HPSE2: variants seen among roughly 807,000 people sequenced by gnomAD.
The protein encoded by HPSE2 is inactive heparanase-2.
HPSE2 carries 38 observed loss-of-function variants against 60.5 expected under a neutral mutation model. That is an observed-to-expected ratio of 0.63 (90% CI 0.48 to 0.82). The LOEUF (loss-of-function observed/expected upper bound fraction) is 0.82. Ranked by LOEUF, HPSE2 falls within the 40% of genes least tolerant of loss-of-function variation. HPSE2 has a pLI of 0.00. For synonymous variants in HPSE2, 295 were observed against 293.2 expected, an observed-to-expected ratio of 1.01 and a Z score of -0.06; for missense variants, 713 against 740.4, an observed-to-expected ratio of 0.96 and a Z score of 0.43.
chr10:98,850,167 T>C (rs560081127), intron 3 of HPSE2, among the ~76,000 whole-genome samples: 2 of 152,192 alleles, frequency 1.3e-5, no homozygotes, highest in Non-Finnish European at 2.9e-5. Context: ...GCTAGTCTTA[T>C]ACATGCTAAT....
chr10:99,222,117 T>G (rs771857441), intron 2 of HPSE2, among the ~76,000 whole-genome samples: 1 of 152,052 alleles, frequency 6.6e-6, no homozygotes, highest in Non-Finnish European at 1.5e-5. Context: ...CCAGCTAATA[T>G]AAAGGCCTTT....
At chr10:99,002,268 T>C (rs1410835617) in intron 3 of HPSE2, among the ~76,000 whole-genome samples, 4 of 152,108 alleles carry the variant, frequency 2.6e-5, no homozygotes, top group African/African-American at 4.8e-5. Context: ...AGAATACAAA[T>C]AATTGATGTA....
chr10:99,050,454 C>T (rs762301352), intron 3 of HPSE2, among the ~76,000 whole-genome samples: 9 of 152,084 alleles, frequency 5.9e-5, no homozygotes, highest in Non-Finnish European at 1.5e-5. Context: ...GAAGATAGAA[C>T]TACCATATGA....
intron 2 of HPSE2, among the ~76,000 whole-genome samples, chr10:99,166,687 C>T (rs1847092188): frequency 6.6e-6 from 1 of 151,686 alleles, no homozygotes; most frequent in African/African-American, 2.4e-5. Flanking sequence ...ATCTCTTGCC[C>T]ACTTTTTATT....
intron 5 of HPSE2, among the ~76,000 whole-genome samples, chr10:98,715,825 A>T (rs1056677396): frequency 2.0e-5 from 3 of 152,012 alleles, no homozygotes; most frequent in Non-Finnish European, 2.9e-5. Context: ...GTGCTGACTG[A>T]TCAAGGTGGT....
chr10:98,946,596 A>G (rs1955191813), intron 3 of HPSE2, among the ~76,000 whole-genome samples: 1 of 152,160 alleles, frequency 6.6e-6, no homozygotes, highest in African/African-American at 2.4e-5. Context: ...TCTTCACAGC[A>G]GTTCTGGGAA....
At chr10:99,177,684 CA>C (rs1268696946) in intron 2 of HPSE2, among the ~76,000 whole-genome samples, 38 of 152,086 alleles carry the variant, frequency 2.5e-4, no homozygotes, top group Non-Finnish European at 1.3e-4. Flanking sequence ...GAGACTTTAA[CA>C]CCCCACTGTC....
At chr10:98,605,568 G>T (rs943942089) in intron 9 of HPSE2, among the ~76,000 whole-genome samples, 1 of 151,746 alleles carries the variant, frequency 6.6e-6, no homozygotes, top group Non-Finnish European at 1.5e-5. Flanking sequence ...GTGTAAATGG[G>T]GATGGTTGGG....
At chr10:99,053,764 C>T (rs1958045674) in intron 3 of HPSE2, among the ~76,000 whole-genome samples, 1 of 109,236 alleles carries the variant, frequency 9.2e-6, no homozygotes, top group Admixed American at 1.4e-4. Flanking sequence ...GAGTCATGCT[C>T]TGTCATCAGG....
At chr10:99,260,855 T>G in the HPSE2 span, among the ~76,000 whole-genome samples, 2 of 152,092 alleles carry the variant, frequency 1.3e-5, no homozygotes, top group African/African-American at 4.8e-5. Flanking sequence ...GCGACCTCCA[T>G]TCCTCCTTCT....
At chr10:98,759,947 T>C (rs916731604) in intron 3 of HPSE2, among the ~76,000 whole-genome samples, 5 of 152,080 alleles carry the variant, frequency 3.3e-5, no homozygotes, top group African/African-American at 1.2e-4. Flanking sequence ...TTTATTTGTA[T>C]CTTATTTATT....
At chr10:98,585,172 T>C (rs1415730034) in intron 9 of HPSE2, among the ~76,000 whole-genome samples, 1 of 152,154 alleles carries the variant, frequency 6.6e-6, no homozygotes, top group African/African-American at 2.4e-5. Flanking sequence ...TAGTTTGCTC[T>C]GAGTCTTGGG....
intron 3 of HPSE2, among the ~76,000 whole-genome samples, chr10:98,747,496 G>T (rs1467151299): frequency 6.6e-6 from 1 of 152,144 alleles, no homozygotes; most frequent in Non-Finnish European, 1.5e-5. Context: ...TTAAGGCAAG[G>T]CAAAATGTAT....
In HPSE2 at chr10:98,698,028, C is replaced by A. The variant is rs537918748; in HGVS notation, c.957-4081G>T. Among the ~76,000 whole-genome samples the A allele has an allele frequency of 9.6e-3, 1,415 of 147,690 alleles. 28 individuals carry two copies. Among genetic ancestry groups the A allele is most frequent in the African/African-American group, 0.034 (1,341 of 39,902 alleles). Reference sequence around the variant, plus strand: ...ACCTACAAAGAGACTTAGACTCCCACACAATAATAATGGGAGACTTTAACA... The same window carrying A: ...ACCTACAAAGAGACTTAGACTCCCAAACAATAATAATGGGAGACTTTAACA... On this transcript the variant is annotated intron_variant, in intron 5 of 11. Coordinates refer to ENST00000370552, the MANE Select transcript of HPSE2 (RefSeq NM_021828.5).
At chr10:98,494,805 A>G (rs1404205218) in intron 9 of HPSE2, among the ~76,000 whole-genome samples, 1 of 152,218 alleles carries the variant, frequency 6.6e-6, no homozygotes, top group African/African-American at 2.4e-5. Flanking sequence ...GTTACAAACC[A>G]AAGTAACAAT....
rs72389662 is a variant in HPSE2, at chr10:99,112,415, GTGTTTTGTTTTGTTT to G, written c.610+31808_610+31822del. Among the ~76,000 whole-genome samples the G allele has an allele frequency of 8.7e-3, 1,186 of 136,004 alleles. 4 individuals carry two copies. Among genetic ancestry groups the G allele is most frequent in the South Asian group, 0.027 (118 of 4,378 alleles). The allele number at this position is 136,004 out of a possible 152,430, so 89.2% of individuals were successfully genotyped here. On this transcript the variant is annotated intron_variant, in intron 3 of 11. Coordinates refer to ENST00000370552, the MANE Select transcript of HPSE2 (RefSeq NM_021828.5). ...CCACCATGCCCGGCTTTTTTTTGTT[GTGTTTTGTTTTGTTT>G]TGTTTTGTTTTGTTTTGTTTTGTTT... is the stretch of plus-strand genomic sequence containing the variant.
At chr10:99,085,865 A>G (rs905928314) in intron 3 of HPSE2, among the ~76,000 whole-genome samples, 3 of 152,188 alleles carry the variant, frequency 2.0e-5, no homozygotes, top group African/African-American at 7.2e-5. Context: ...TAAACACATC[A>G]GATGCCTCAC....
intron 3 of HPSE2, among the ~76,000 whole-genome samples, chr10:98,794,176 C>T (rs967356989): frequency 3.3e-5 from 5 of 151,880 alleles, no homozygotes; most frequent in Admixed American, 6.6e-5. Flanking sequence ...TCTTAAACTT[C>T]ACTAATGGCC....
At chr10:99,287,759 A>T in the HPSE2 span, among the ~76,000 whole-genome samples, 1 of 152,198 alleles carries the variant, frequency 6.6e-6, no homozygotes, top group Non-Finnish European at 1.5e-5. Context: ...CAATGTAGAG[A>T]TGTATATTTT....
Sources: gnomAD v4.1 joint callset for allele counts (sites outside exome capture counted in the v4.1 genomes callset) on GRCh38, gnomAD v4.1.1 for gene constraint, MANE v1.5 for transcripts, NCBI Gene and HGNC (gene_info 2026-07-23, HGNC 2026-07-21) for gene names.